Variants in GRIN2B observed in about 807,000 individuals in gnomAD.
GRIN2B encodes the protein glutamate ionotropic receptor NMDA type subunit 2B, also known as glutamate receptor ionotropic, NMDA 2B.
In GRIN2B, 5 loss-of-function variants were observed where a neutral mutation model predicts 114.5. The observed-to-expected ratio is 0.04, with a 90% confidence interval of 0.02 to 0.09. GRIN2B has a LOEUF of 0.09. GRIN2B is among the 10% of genes least tolerant of loss of function. The probability of loss-of-function intolerance (pLI) is 1.00; values close to 1 mark genes in which losing one functional copy is unlikely to be tolerated. For synonymous variants in GRIN2B, 787 were observed against 745.1 expected (o/e 1.06, Z -0.92); for missense variants, 1,108 against 1,943.5 (o/e 0.57, Z 8.08).
In GRIN2B at chr12:13,557,917, C is replaced by G. The variant is rs773713879; in HGVS notation, c.*4866G>C. ...GGATTACTTTCATTCGAATGACAGA[C>G]AGCTCAGCTCAGTGCTAAAGCAACA... On this transcript the variant is annotated 3_prime_UTR_variant, in exon 14 of 14. Transcript: ENST00000609686. 1 of 152,214 alleles carries G rather than the reference C, an allele frequency of 6.6e-6. No individual in the cohort carries two copies. The highest frequency in any genetic ancestry group is 1.5e-5 in the Non-Finnish European group (1 of 68,040). 9.4% of individuals were successfully genotyped at this position (152,214 alleles called of 1,614,324 possible).
intron 2 of GRIN2B, among the ~76,000 whole-genome samples, chr12:13,962,022 A>G (rs1021670884): frequency 1.3e-5 from 2 of 151,864 alleles, no homozygotes; most frequent in African/African-American, 4.8e-5. Flanking sequence ...AATATACCCT[A>G]AAGTTCTTAT....
At chr12:13,920,452 A>T (rs1866804477) in intron 2 of GRIN2B, among the ~76,000 whole-genome samples, 1 of 152,142 alleles carries the variant, frequency 6.6e-6, no homozygotes, top group Non-Finnish European at 1.5e-5. Context: ...CCTAGGCAAA[A>T]ACATCATTTT....
At chr12:13,581,486 G>GT (rs1303013537) in intron 10 of GRIN2B, among the ~76,000 whole-genome samples, 4 of 151,924 alleles carry the variant, frequency 2.6e-5, no homozygotes, top group African/African-American at 9.7e-5. Flanking sequence ...GTCGGGCCCA[G>GT]TGGGAGAAGA....
intron 5 of GRIN2B, among the ~76,000 whole-genome samples, chr12:13,647,328 G>C (rs1480208352): frequency 3.3e-5 from 5 of 152,058 alleles, no homozygotes; most frequent in African/African-American, 4.8e-5. Flanking sequence ...TTGATAATTT[G>C]AGTAAGTTTG....
chr12:13,558,995 T>G lies in GRIN2B; in HGVS notation c.*3788A>C, dbSNP rs933243498. 6.6e-6 allele frequency: 1 copy of G among 152,206 alleles called. No homozygotes were observed. The highest frequency in any genetic ancestry group is 1.5e-5 in the Non-Finnish European group (1 of 68,060). 9.4% of individuals were successfully genotyped at this position (152,206 alleles called of 1,614,324 possible). On this transcript the variant is annotated 3_prime_UTR_variant, in exon 14 of 14. Transcript: ENST00000609686. The stretch of plus-strand genomic sequence containing the variant: ...AGGGTACAAAGCGAGAAAGCATGGA[T>G]TCTGAAGAACATGGGAATATTAGGT...
At chr12:13,886,121 G>C (rs1866152674) in intron 2 of GRIN2B, among the ~76,000 whole-genome samples, 1 of 152,110 alleles carries the variant, frequency 6.6e-6, no homozygotes, top group Non-Finnish European at 1.5e-5. Flanking sequence ...TTCCAAATAT[G>C]CTCATAACTA....
At chr12:13,797,634 G>A (rs767093305) in intron 3 of GRIN2B, among the ~76,000 whole-genome samples, 1 of 151,996 alleles carries the variant, frequency 6.6e-6, no homozygotes, top group Non-Finnish European at 1.5e-5. Context: ...ACAACCAACT[G>A]GTCTCCATTT....
intron 2 of GRIN2B, among the ~76,000 whole-genome samples, chr12:13,914,864 A>G (rs957504624): frequency 1.3e-5 from 2 of 152,222 alleles, no homozygotes; most frequent in Non-Finnish European, 2.9e-5. Flanking sequence ...TATGAGAGAT[A>G]AAAGAGTAAA....
chr12:13,830,450 G>A (rs753281547), intron 3 of GRIN2B, among the ~76,000 whole-genome samples: 5 of 152,168 alleles, frequency 3.3e-5, no homozygotes, highest in African/African-American at 4.8e-5. Flanking sequence ...TAATGAACAT[G>A]AGAGTCATAG....
At chr12:13,879,791 A>G (rs988678608) in intron 2 of GRIN2B, among the ~76,000 whole-genome samples, 1 of 152,256 alleles carries the variant, frequency 6.6e-6, no homozygotes, top group African/African-American at 2.4e-5. Flanking sequence ...CTCCTCCCTG[A>G]CATGCCGGAC....
At chr12:13,884,257 CAA>C (rs35625430) in intron 2 of GRIN2B, among the ~76,000 whole-genome samples, 7 of 148,824 alleles carry the variant, frequency 4.7e-5, no homozygotes, top group East Asian at 1.9e-4. Flanking sequence ...TTAATTCCTA[CAA>C]AAAAAAAATC....
intron 3 of GRIN2B, among the ~76,000 whole-genome samples, chr12:13,798,423 T>C (rs1864453453): frequency 6.6e-6 from 1 of 152,214 alleles, no homozygotes; most frequent in Admixed American, 6.5e-5. Flanking sequence ...TAACCTTGGA[T>C]AAACCATCTA....
chr12:13,764,285 C>T (rs1863736054), intron 3 of GRIN2B, among the ~76,000 whole-genome samples: 3 of 152,206 alleles, frequency 2.0e-5, no homozygotes, highest in Non-Finnish European at 4.4e-5. Flanking sequence ...AGCCCATCCC[C>T]TCTGACTTAC....
At chr12:13,867,810 C>A (rs1186024435) in intron 2 of GRIN2B, among the ~76,000 whole-genome samples, 3 of 151,438 alleles carry the variant, frequency 2.0e-5, no homozygotes, top group Non-Finnish European at 4.4e-5. Flanking sequence ...GCAACCAGAA[C>A]CAAAACCAGA....
chr12:13,869,928 T>C (rs1432813862), intron 2 of GRIN2B, among the ~76,000 whole-genome samples: 1 of 152,142 alleles, frequency 6.6e-6, no homozygotes, highest in South Asian at 2.1e-4. Flanking sequence ...GAAGATCAAA[T>C]GAAAATATGT....
chr12:13,829,271 G>A (rs1033987514), intron 3 of GRIN2B, among the ~76,000 whole-genome samples: 5 of 151,988 alleles, frequency 3.3e-5, no homozygotes. Flanking sequence ...TGTTTTATCT[G>A]ACCACTCCCA....
intron 5 of GRIN2B, among the ~76,000 whole-genome samples, chr12:13,652,055 T>G (rs1409839218): frequency 6.6e-6 from 1 of 151,978 alleles, no homozygotes; most frequent in African/African-American, 2.4e-5. Flanking sequence ...CTTATACCCA[T>G]CCATAAGAAA....
chr12:13,933,103 T>C (rs1227190802), intron 2 of GRIN2B, among the ~76,000 whole-genome samples: 1 of 152,158 alleles, frequency 6.6e-6, no homozygotes, highest in Non-Finnish European at 1.5e-5. Flanking sequence ...CCTTTCCCCT[T>C]GCCCATTCAA....
rs115976993 is a variant in GRIN2B, at chr12:13,837,735, C to T, written c.411+28063G>A. Among the ~76,000 whole-genome samples the T allele has an allele frequency of 1.3e-3, 200 of 152,186 alleles. 1 individual carries two copies. The highest frequency in any genetic ancestry group is 4.4e-3 in the African/African-American group (181 of 41,528). On this transcript the variant is annotated intron_variant, in intron 3 of 13. Transcript: ENST00000609686. ...TCCAAATAGAAGGGCTTGGGGTTGGCGATCTGTTCAAAAGGCAGGGCTCAG... is the reference window on the plus strand; with the variant it reads ...TCCAAATAGAAGGGCTTGGGGTTGGTGATCTGTTCAAAAGGCAGGGCTCAG...
Sources: gnomAD v4.1 joint callset for allele counts (sites outside exome capture counted in the v4.1 genomes callset) on GRCh38, gnomAD v4.1.1 for gene constraint, MANE v1.5 for transcripts, NCBI Gene and HGNC (gene_info 2026-07-23, HGNC 2026-07-21) for gene names.